The following MAP2 variants were observed in gnomAD, a reference collection of about 807,000 sequenced individuals.
MAP2 encodes microtubule associated protein 2, also known as microtubule-associated protein 2.
MAP2 carries 14 observed loss-of-function variants against 137.6 expected under a neutral mutation model. That is an observed-to-expected ratio of 0.10 (90% CI 0.07 to 0.16). The LOEUF is 0.16. Among genes scored for constraint, MAP2 ranks in the 10% least tolerant of loss-of-function variants. MAP2 has a pLI of 1.00. For missense variants in MAP2, 2,088 were observed against 2,191.5 expected (o/e 0.95, Z 0.94); for synonymous variants, 786 against 782.3 (o/e 1.00, Z -0.08).
chr2:209,669,099 T>C (rs1040562377), intron 5 of MAP2, among the ~76,000 whole-genome samples: 4 of 152,080 alleles, frequency 2.6e-5, no homozygotes, highest in African/African-American at 9.7e-5. Flanking sequence ...ATATAAAATA[T>C]GCAGGTATAG....
chr2:209,642,905 C>T (rs931466324), intron 4 of MAP2, among the ~76,000 whole-genome samples: 1 of 152,050 alleles, frequency 6.6e-6, no homozygotes, highest in Non-Finnish European at 1.5e-5. Context: ...CCATTAAGGA[C>T]CAAAACAAAA....
At chr2:209,676,659 C>G (rs2051667772) in intron 5 of MAP2, among the ~76,000 whole-genome samples, 1 of 145,114 alleles carries the variant, frequency 6.9e-6, no homozygotes. Context: ...CATAGGAAGA[C>G]ACTACAGTTT....
chr2:209,594,272 G>C (rs1044498171), intron 3 of MAP2, among the ~76,000 whole-genome samples: 1 of 151,946 alleles, frequency 6.6e-6, no homozygotes, highest in Non-Finnish European at 1.5e-5. Context: ...TATTAGACCA[G>C]GTTCCAAAAC....
At position 209,696,943 on chromosome 2, in the gene MAP2, A is replaced by G; in HGVS notation, c.4414A>G (p.Lys1472Glu). ...AGTTTATAAGAAGGCTGAACTTGCTAAAAAAACAGAAGTTCAGGCCCACTC... is the reference window on the plus strand; with the variant it reads ...AGTTTATAAGAAGGCTGAACTTGCTGAAAAAACAGAAGTTCAGGCCCACTC... ...KAVYKKAELAKKTEVQAHSPS... is the reference protein window; with the variant it reads ...KAVYKKAELAEKTEVQAHSPS... The change falls in exon 10 of 16, where the codon AAA becomes GAA. Residue 1472 changes from lysine (K) to glutamate (E), a missense_variant. By Grantham distance (56) the Lys-to-Glu change is moderately conservative. Coordinates refer to ENST00000682079, the MANE Select transcript of MAP2 (RefSeq NM_001375505.1). 6.2e-7 allele frequency: 1 copy of G among 1,607,760 alleles called. No homozygotes were observed.
chr2:209,529,345 T>A (rs377095257), intron 2 of MAP2, among the ~76,000 whole-genome samples: 3 of 152,178 alleles, frequency 2.0e-5, no homozygotes, highest in African/African-American at 7.2e-5. Context: ...AGTTAATGCA[T>A]TGTACGTCAA....
chr2:209,509,172 A>G (rs1000457750), intron 2 of MAP2, among the ~76,000 whole-genome samples: 2 of 151,952 alleles, frequency 1.3e-5, no homozygotes, highest in African/African-American at 4.8e-5. Flanking sequence ...GACAATTTGC[A>G]ATCTCATCTT....
chr2:209,593,153 A>T (rs1215264984), intron 3 of MAP2, among the ~76,000 whole-genome samples: 1 of 152,154 alleles, frequency 6.6e-6, no homozygotes, highest in African/African-American at 2.4e-5. Flanking sequence ...CATTTTCAAA[A>T]GGATGTTCAT....
At chr2:209,592,897 G>A (rs1395238156) in intron 3 of MAP2, among the ~76,000 whole-genome samples, 1 of 151,992 alleles carries the variant, frequency 6.6e-6, no homozygotes, top group Non-Finnish European at 1.5e-5. Flanking sequence ...TGATAAATAT[G>A]GAACTTCCAG....
intron 1 of MAP2, among the ~76,000 whole-genome samples, chr2:209,479,474 G>A (rs943962691): frequency 1.4e-4 from 22 of 152,056 alleles, no homozygotes; most frequent in Non-Finnish European, 2.6e-4. Flanking sequence ...TTGATCAATT[G>A]TCTAGGGCTA....
chr2:209,637,020 C>T (rs1431759711), intron 4 of MAP2, among the ~76,000 whole-genome samples: 1 of 152,094 alleles, frequency 6.6e-6, no homozygotes, highest in Non-Finnish European at 1.5e-5. Flanking sequence ...TGAAATTATA[C>T]ATTAAAAGTC....
chr2:209,592,031 C>T (rs1401781541), intron 3 of MAP2, among the ~76,000 whole-genome samples: 1 of 152,086 alleles, frequency 6.6e-6, no homozygotes, highest in Non-Finnish European at 1.5e-5. Flanking sequence ...TGTCTCTTCC[C>T]AACTCCTGCT....
chr2:209,604,259 G>A (rs777242424), intron 3 of MAP2, among the ~76,000 whole-genome samples: 3 of 152,100 alleles, frequency 2.0e-5, no homozygotes, highest in Non-Finnish European at 2.9e-5. Flanking sequence ...CATTAAGTCC[G>A]TACCCAGTAC....
intron 3 of MAP2, among the ~76,000 whole-genome samples, chr2:209,609,903 A>G (rs1262041471): frequency 6.6e-6 from 1 of 152,144 alleles, no homozygotes; most frequent in Non-Finnish European, 1.5e-5. Context: ...ACATACATTC[A>G]TGTACTTTTC....
At position 209,692,948 on chromosome 2, in the gene MAP2, A is replaced by G; in HGVS notation, c.778A>G (p.Lys260Glu). ...IDLPKEPPTP[K>E]EQKDWFIEMP... ...CCTCCCTAAAGAGCCTCCAACTCCA[A>G]AAGAACAAAAGGACTGGTTCATCGA... Residue 260 changes from lysine (K) to glutamate (E), a missense_variant, in exon 8 of 16, where the codon AAA becomes GAA. Physicochemically the swap from Lys to Glu is moderately conservative, Grantham distance 56. This residue lies in a region of MAP2 where 859 missense variants were observed against 794.5 expected (regional missense o/e 1.08). Coordinates refer to ENST00000682079, the MANE Select transcript of MAP2 (RefSeq NM_001375505.1). 2 of 1,614,086 alleles carry G rather than the reference A, an allele frequency of 1.2e-6. No individual in the cohort carries two copies. Among genetic ancestry groups the G allele is most frequent in the Non-Finnish European group, 1.7e-6 (2 of 1,179,978 alleles).
chr2:209,520,361 T>C (rs2063103364), intron 2 of MAP2, among the ~76,000 whole-genome samples: 1 of 152,108 alleles, frequency 6.6e-6, no homozygotes, highest in Admixed American at 6.6e-5. Context: ...TTTCCTAAAA[T>C]GCCTCTTTAA....
At chr2:209,642,112 A>G (rs2094081583) in intron 4 of MAP2, among the ~76,000 whole-genome samples, 1 of 152,148 alleles carries the variant, frequency 6.6e-6, no homozygotes, top group Non-Finnish European at 1.5e-5. Context: ...GGGTCAAACC[A>G]TGTACTGAAT....
chr2:209,596,863 A>G (rs950478582), intron 3 of MAP2, among the ~76,000 whole-genome samples: 2 of 152,346 alleles, frequency 1.3e-5, no homozygotes, highest in Middle Eastern at 3.4e-3. Flanking sequence ...CCTAAAGCCA[A>G]TAATTAATGT....
chr2:209,480,676 T>C (rs777238629), intron 1 of MAP2, among the ~76,000 whole-genome samples: 1 of 152,112 alleles, frequency 6.6e-6, no homozygotes, highest in Non-Finnish European at 1.5e-5. Context: ...AGATTTGATA[T>C]CAGTATTTAT....
At chr2:209,575,725 C>T (rs2075272149) in intron 2 of MAP2, among the ~76,000 whole-genome samples, 1 of 152,030 alleles carries the variant, frequency 6.6e-6, no homozygotes, top group Non-Finnish European at 1.5e-5. Context: ...GTTTGAGTGC[C>T]AGTACGCTCC....
Sources: gnomAD v4.1 joint callset for allele counts (sites outside exome capture counted in the v4.1 genomes callset) on GRCh38, gnomAD v4.1.1 for gene constraint, gnomAD v4.1.1 regional missense constraint, MANE v1.5 for transcripts, NCBI Gene and HGNC (gene_info 2026-07-23, HGNC 2026-07-21) for gene names.